Variants in ASAP1 observed in about 807,000 individuals in gnomAD.
The protein encoded by ASAP1 is arf-GAP with SH3 domain, ANK repeat and PH domain-containing protein 1.
A neutral mutation model predicts 145.2 loss-of-function variants in ASAP1; 43 were observed. That is an observed-to-expected ratio of 0.30 (90% confidence interval 0.23 to 0.38). The LOEUF is 0.38. Among genes scored for constraint, ASAP1 ranks in the 10% least tolerant of loss-of-function variants. ASAP1 has a pLI of 1.00. For synonymous variants in ASAP1, 546 were observed against 515.5 expected (o/e 1.06, Z -0.80); for missense variants, 1,018 against 1,355.3 (o/e 0.75, Z 3.91).
At chr8:130,187,786 C>G (rs560949560) in intron 6 of ASAP1, among the ~76,000 whole-genome samples, 1 of 152,166 alleles carries the variant, frequency 6.6e-6, no homozygotes, top group Non-Finnish European at 1.5e-5. Flanking sequence ...GCGCCCTGGT[C>G]ATGCTGATGA....
chr8:130,276,726 A>ACTCTCTCTCTCTCTCTCTCTCTCTCT (rs1486127973), intron 3 of ASAP1, among the ~76,000 whole-genome samples: 1 of 91,766 alleles, frequency 1.1e-5, no homozygotes, highest in African/African-American at 3.6e-5. Flanking sequence ...ACACACACAC[A>ACTCTCTCTCTCTCTCTCTCTCTCTCT]CACTCTCTCT....
intron 26 of ASAP1, among the ~76,000 whole-genome samples, chr8:130,077,095 C>T (rs2097464176): frequency 6.6e-6 from 1 of 152,194 alleles, no homozygotes; most frequent in Non-Finnish European, 1.5e-5. Flanking sequence ...CAGAAGGTCT[C>T]ACGTGGGTCA....
chr8:130,134,101 A>G (rs1039837292), intron 15 of ASAP1, among the ~76,000 whole-genome samples, 195 bp downstream of exon 15: 5 of 152,204 alleles, frequency 3.3e-5, no homozygotes, highest in Admixed American at 6.5e-5. Flanking sequence ...AGGAGGTACC[A>G]GAGCTTATTG....
chr8:130,158,869 C>T (rs1002701116), intron 12 of ASAP1, among the ~76,000 whole-genome samples: 1 of 151,862 alleles, frequency 6.6e-6, no homozygotes, highest in African/African-American at 2.4e-5. Flanking sequence ...GTAGCTGGGA[C>T]CACAGGTGCC....
chr8:130,250,344 T>C (rs1028099501), intron 3 of ASAP1, among the ~76,000 whole-genome samples: 17 of 152,208 alleles, frequency 1.1e-4, no homozygotes, highest in African/African-American at 3.9e-4. Context: ...ATTTTAACCC[T>C]GGAAAGCTTA....
intron 3 of ASAP1, among the ~76,000 whole-genome samples, chr8:130,332,385 C>G (rs1824749712): frequency 6.6e-6 from 1 of 152,132 alleles, no homozygotes; most frequent in South Asian, 2.1e-4. Flanking sequence ...AATATTCAAT[C>G]CCACTTCAAG....
At chr8:130,210,024 T>C (rs1256761424) in intron 5 of ASAP1, among the ~76,000 whole-genome samples, 3 of 152,198 alleles carry the variant, frequency 2.0e-5, no homozygotes, top group African/African-American at 7.2e-5. Context: ...TGGTTTCAGA[T>C]TCACACCGTT....
intron 3 of ASAP1, among the ~76,000 whole-genome samples, chr8:130,316,740 G>A (rs1050390384): frequency 2.0e-5 from 3 of 152,336 alleles, no homozygotes; most frequent in South Asian, 4.1e-4. Context: ...CCCAAAGGAC[G>A]CCACAAACCT....
chr8:130,273,579 C>T (rs1820708876), intron 3 of ASAP1, among the ~76,000 whole-genome samples: 1 of 152,212 alleles, frequency 6.6e-6, no homozygotes, highest in Non-Finnish European at 1.5e-5. Flanking sequence ...TAAGGAGGAG[C>T]TCACAGGATC....
intron 29 of ASAP1, among the ~76,000 whole-genome samples, chr8:130,055,794 TAG>T (rs1305890603): frequency 6.6e-6 from 1 of 152,198 alleles, no homozygotes; most frequent in African/African-American, 2.4e-5. Flanking sequence ...GCCAAATCGA[TAG>T]AGAGGAAGGT....
At chr8:130,400,119 C>T (rs563466143) in intron 2 of ASAP1, among the ~76,000 whole-genome samples, 14 of 152,248 alleles carry the variant, frequency 9.2e-5, no homozygotes, top group South Asian at 4.1e-4. Flanking sequence ...CGCGCCTGGC[C>T]GAAAGCCGGT....
chr8:130,221,001 C>T (rs1817262782), intron 4 of ASAP1, among the ~76,000 whole-genome samples: 1 of 152,114 alleles, frequency 6.6e-6, no homozygotes. Context: ...GTGGGGATTA[C>T]AATTCAGATT....
At chr8:130,440,851 G>A (rs1830465428) in intron 1 of ASAP1, among the ~76,000 whole-genome samples, 1 of 152,128 alleles carries the variant, frequency 6.6e-6, no homozygotes, top group Non-Finnish European at 1.5e-5. Flanking sequence ...TCCAAAACTA[G>A]GACCAACTTG....
chr8:130,292,600 C>G (rs1822013265), intron 3 of ASAP1, among the ~76,000 whole-genome samples: 1 of 152,216 alleles, frequency 6.6e-6, no homozygotes. Flanking sequence ...TGCAGAACGC[C>G]ATTCCTGGTC....
At chr8:130,168,626 C>CA (rs2097685085) in intron 10 of ASAP1, among the ~76,000 whole-genome samples, 1 of 152,066 alleles carries the variant, frequency 6.6e-6, no homozygotes, top group South Asian at 2.1e-4. Flanking sequence ...ACAAAAACCC[C>CA]AAAAAACTCT....
At position 130,234,888 on chromosome 8, in the gene ASAP1, T is replaced by C. The variant is rs1298485404; in HGVS notation, c.259+2034A>G. ...AAAATCAGGCTGGTCAAATGTTGTA[T>C]GTGGAATCACTGAATTAAAATAGAG... On this transcript the variant is annotated intron_variant, in intron 4 of 29. Transcript: ENST00000518721. Among the ~76,000 whole-genome samples, 3 of 152,292 alleles carry C rather than the reference T, an allele frequency of 2.0e-5. No homozygotes were observed. The East Asian group carries it at 5.8e-4, about 29-fold the overall frequency.
chr8:130,160,169 G>C (rs1057363432), intron 11 of ASAP1: 1 of 544,032 alleles, frequency 1.8e-6, no homozygotes, highest in Non-Finnish European at 3.3e-6. Flanking sequence ...CCGAGGCAGA[G>C]CTGGGGTCTG....
chr8:130,147,385 T>G (rs1348942617), intron 13 of ASAP1, among the ~76,000 whole-genome samples: 4 of 152,150 alleles, frequency 2.6e-5, no homozygotes, highest in South Asian at 2.1e-4. Flanking sequence ...CACTTATGAA[T>G]TAGGCCTCAT....
chr8:130,222,924 G>A (rs1431960655), intron 4 of ASAP1, among the ~76,000 whole-genome samples: 5 of 152,104 alleles, frequency 3.3e-5, no homozygotes, highest in Non-Finnish European at 4.4e-5. Flanking sequence ...TTTAACTTTA[G>A]CCAGATGCCA....
Sources: gnomAD v4.1 joint callset for allele counts (sites outside exome capture counted in the v4.1 genomes callset) on GRCh38, gnomAD v4.1.1 for gene constraint, MANE v1.5 for transcripts, NCBI Gene and HGNC (gene_info 2026-07-23, HGNC 2026-07-21) for gene names.